Variants in ACP4 observed in about 807,000 individuals in gnomAD.
ACP4 encodes testicular acid phosphatase.
In ACP4, 49 loss-of-function variants were observed where a neutral mutation model predicts 47.3. The observed-to-expected ratio is 1.04, with a 90% CI of 0.82 to 1.32. The LOEUF (loss-of-function observed/expected upper bound fraction) is 1.32, where lower values mean the gene tolerates loss of function less well. ACP4 is among the 40% of genes most tolerant of loss of function. The probability of loss-of-function intolerance (pLI) is 0.00; values close to 1 mark genes in which losing one functional copy is unlikely to be tolerated. For missense variants in ACP4, 594 were observed against 579.3 expected (o/e 1.03, Z -0.26); for synonymous variants, 299 against 265.3 (o/e 1.13, Z -1.23).
chr19:50,790,841 C>A lies in ACP4; in HGVS notation c.284C>A (p.Pro95Gln). 6.5e-7 allele frequency: 1 copy of A among 1,548,770 alleles called. No homozygotes were observed. The highest frequency in any genetic ancestry group is 8.7e-7 in the Non-Finnish European group (1 of 1,146,730). Residue 95 changes from proline to glutamine, a missense_variant, in exon 3 of 11, where the codon CCG becomes CAG. By Grantham distance (76) the Pro-to-Gln change is moderately conservative. Coordinates refer to ENST00000270593, the MANE Select transcript of ACP4 (RefSeq NM_033068.3). ...LRSRYEAFLS[P>Q]EYRREEVYIR... ...AGCCGCTACGAGGCCTTCCTGAGTC[C>A]GGAGTACCGGCGGGAGGAGGTAGGG...
In ACP4 at chr19:50,792,124, G is replaced by A. The variant is rs756013460; in HGVS notation, c.502G>A (p.Glu168Lys). The change falls in exon 5 of 11, where the codon GAG (glutamate) becomes AAG (lysine). Residue 168 changes from glutamate to lysine, a missense_variant. By Grantham distance (56) the Glu-to-Lys change is moderately conservative. Transcript: ENST00000270593. ...SCPRYHELLR[E>K]ATEAAEYQEA... The stretch of plus-strand genomic sequence containing the variant: ...TCCCCGATACCACGAGCTGCTGCGG[G>A]AGGCCACCGAGGCCGCCGAGTACCA... 1 of 1,607,086 alleles carries A rather than the reference G, an allele frequency of 6.2e-7. No homozygotes were observed. Among genetic ancestry groups the A allele is most frequent in the African/African-American group, 1.3e-5 (1 of 74,870 alleles).
intron 1 of ACP4, 24 bp downstream of exon 1, chr19:50,790,549 G>T: frequency 6.5e-7 from 1 of 1,540,478 alleles, no homozygotes. Flanking sequence ...ACCCCGGCCT[G>T]CCCTTAGCTC....
rs774549642 is a variant in ACP4 at position 50,793,863 on chromosome 19, C to CT, written c.779-24dup. ...CTGGGGTGCCTTCCTCTGGGAGAGT[C>CT]TAAGCTCTTTTTTCCCATCCTCAGG... On this transcript the variant is annotated intron_variant, in intron 7 of 10. Transcript: ENST00000270593. The CT allele has an allele frequency of 9.3e-6, 15 of 1,614,130 alleles. No individual in the cohort carries two copies. In the South Asian group the frequency reaches 1.4e-4, roughly 15 times the overall value.
intron 6 of ACP4, 190 bp downstream of exon 6, chr19:50,792,527 A>G: frequency 1.6e-6 from 1 of 613,484 alleles, no homozygotes; most frequent in Non-Finnish European, 2.9e-6. Flanking sequence ...AAATGGGTTA[A>G]TCCACGCACT....
At chr19:50,792,854 A>C (rs2089522044) in intron 6 of ACP4, 1 of 152,348 alleles carries the variant, frequency 6.6e-6, no homozygotes, top group Non-Finnish European at 1.5e-5. Context: ...GGCTAATTAA[A>C]AAAAAATTAA....
At chr19:50,794,019 G>C in intron 8 of ACP4, 49 bp downstream of exon 8, 1 of 1,603,460 alleles carries the variant, frequency 6.2e-7, no homozygotes. Context: ...ACAGGGATGA[G>C]GGTGACAGCG....
intron 6 of ACP4, chr19:50,792,676 C>CTT (rs781192952): frequency 8.7e-4 from 96 of 110,632 alleles, no homozygotes; most frequent in South Asian, 1.7e-3. Context: ...TGATGCAATG[C>CTT]TTTTTTTTTT....
chr19:50,792,557 G>A, intron 6 of ACP4: 2 of 557,486 alleles, frequency 3.6e-6, no homozygotes, highest in Non-Finnish European at 6.3e-6. Flanking sequence ...ATAGTGCCTG[G>A]TGTACAGTGA....
chr19:50,790,716 GGT>G lies in ACP4; in HGVS notation c.216+20_216+21del. On this transcript the variant is annotated intron_variant, in intron 2 of 10. Transcript: ENST00000270593. ...TGACCACGGTGAGAAGCGGGTAGGC[GGT>G]GAGGGCAAGGGTGGGAGGGGTGGGG... The G allele has an allele frequency of 6.5e-7, 1 of 1,543,930 alleles. No homozygotes were observed. Among genetic ancestry groups the G allele is most frequent in the Non-Finnish European group, 8.7e-7 (1 of 1,145,714 alleles).
At chr19:50,791,103 CTCTGTTT>C (rs1483108747) in intron 3 of ACP4, among the ~76,000 whole-genome samples, 3 of 152,224 alleles carry the variant, frequency 2.0e-5, no homozygotes, top group East Asian at 3.8e-4. Context: ...TGGCCTCCAT[CTCTGTTT>C]TCTAAGTCCC....
At position 50,792,131 on chromosome 19, in the gene ACP4, C is replaced by T. The variant is rs1380735638; in HGVS notation, c.509C>T (p.Thr170Ile). ...TACCACGAGCTGCTGCGGGAGGCCA[C>T]CGAGGCCGCCGAGTACCAGGAGGCC... Reference protein sequence around the residue: ...PRYHELLREATEAAEYQEALE... With the variant: ...PRYHELLREAIEAAEYQEALE... Residue 170 changes from threonine to isoleucine, a missense_variant, in exon 5 of 11, where the codon ACC becomes ATC. Physicochemically the swap from Thr to Ile is moderately conservative, Grantham distance 89. Coordinates refer to ENST00000270593, the MANE Select transcript of ACP4 (RefSeq NM_033068.3). 1 of 1,607,866 alleles carries T rather than the reference C, an allele frequency of 6.2e-7. No individual in the cohort carries two copies. The highest frequency in any genetic ancestry group is 1.1e-5 in the South Asian group (1 of 90,648).
rs73586825 is a variant in ACP4, at chr19:50,794,387, C to T, written c.862-70C>T. The T allele has an allele frequency of 1.6e-3, 2,608 of 1,582,124 alleles. 41 individuals carry two copies. In the African/African-American group the frequency reaches 0.029, roughly 18 times the overall value. On this transcript the variant is annotated intron_variant, in intron 8 of 10. Transcript: ENST00000270593. ...AAGAAGCCTGGGGGACATCTGGATG[C>T]GCAAGTGTAGTGCTCAGGAGAAAGG...
Position 50,794,970 on chromosome 19 carries a change from AGTC to A in ACP4, c.1165+7_1165+9del, listed in dbSNP as rs1255824542. 3.1e-6 allele frequency: 5 copies of A among 1,613,146 alleles called. No individual in the cohort carries two copies. The African/African-American group carries it at 6.7e-5, about 22-fold the overall frequency. On this transcript the variant is annotated splice_region_variant and intron_variant, in intron 10 of 10. Coordinates refer to ENST00000270593, the MANE Select transcript of ACP4 (RefSeq NM_033068.3). ...TGAGGCTGCCATCCCCCCAGGTGAC[AGTC>A]CTCTGTGTTGGGGTGGGAGTGGAGG...
At chr19:50,792,951 G>A (rs538582294) in intron 6 of ACP4, among the ~76,000 whole-genome samples, 48 of 152,144 alleles carry the variant, frequency 3.2e-4, no homozygotes, top group Non-Finnish European at 5.6e-4. Context: ...GATTACAGGC[G>A]TGAGCCACCA....
chr19:50,794,090 G>C (rs539532046), intron 8 of ACP4, 120 bp downstream of exon 8: 4 of 1,198,164 alleles, frequency 3.3e-6, no homozygotes, highest in East Asian at 2.4e-5. Context: ...GGGGTAACCC[G>C]TATCTCCAAA....
intron 4 of ACP4, 72 bp from the exon 5 acceptor site, chr19:50,792,001 G>A: frequency 1.3e-6 from 2 of 1,494,088 alleles, no homozygotes; most frequent in South Asian, 1.3e-5. Flanking sequence ...CGAGAGCCCG[G>A]GTTCCCCCGA....
rs975602240 is a variant in ACP4, at chr19:50,793,708, G to C, written c.670G>C (p.Ala224Pro). The change falls in exon 7 of 11, where the codon GCC becomes CCC. Residue 224 changes from alanine to proline, a missense_variant. By Grantham distance (27) the Ala-to-Pro change is conservative. Transcript: ENST00000270593. The stretch of plus-strand genomic sequence containing the variant: ...GCAAGCCCACGGTCTTCCACTACCA[G>C]CCTGGGCCTCCCCAGATGTCCTGCG... ...CQQAHGLPLP[A>P]WASPDVLRTL... is the part of the protein sequence containing the mutation. The C allele has an allele frequency of 1.9e-5, 31 of 1,613,522 alleles. No individual in the cohort carries two copies. Among genetic ancestry groups the C allele is most frequent in the Non-Finnish European group, 2.4e-5 (28 of 1,180,048 alleles).
At position 50,792,258 on chromosome 19, in the gene ACP4, T is replaced by C; in HGVS notation, c.566T>C (p.Leu189Pro). 1.2e-6 allele frequency: 2 copies of C among 1,613,324 alleles called. No individual in the cohort carries two copies. Among genetic ancestry groups the C allele is most frequent in the Non-Finnish European group, 1.7e-6 (2 of 1,179,982 alleles). Residue 189 changes from leucine to proline, a missense_variant, in exon 6 of 11, where the codon CTG (leucine) becomes CCG (proline). Coordinates refer to ENST00000270593, the MANE Select transcript of ACP4 (RefSeq NM_033068.3). Reference protein sequence around the residue: ...LEGWTGFLSRLENFTGLSLVG... With the variant: ...LEGWTGFLSRPENFTGLSLVG... ...CGCATCCAGGGCTTCCTGAGTCGCCTGGAGAACTTCACGGGACTGTCGCTG... is the reference window on the plus strand; with the variant it reads ...CGCATCCAGGGCTTCCTGAGTCGCCCGGAGAACTTCACGGGACTGTCGCTG...
chr19:50,792,212 G>T (rs2089516037), intron 5 of ACP4, 30 bp from the exon 6 acceptor site: 1 of 1,611,926 alleles, frequency 6.2e-7, no homozygotes, highest in African/African-American at 1.3e-5. Flanking sequence ...CAGGGGATGG[G>T]CCTGGGCTCA....
Sources: gnomAD v4.1 joint callset for allele counts (sites outside exome capture counted in the v4.1 genomes callset) on GRCh38, gnomAD v4.1.1 for gene constraint, MANE v1.5 for transcripts, NCBI Gene and HGNC (gene_info 2026-07-23, HGNC 2026-07-21) for gene names.